MGAT4C: variants seen among roughly 807,000 people sequenced by gnomAD.
MGAT4C encodes the protein alpha-1,3-mannosyl-glycoprotein 4-beta-N-acetylglucosaminyltransferase C.
A neutral mutation model predicts 40.1 loss-of-function variants in MGAT4C; 19 were observed. That is an observed-to-expected ratio of 0.47 (90% CI 0.33 to 0.70). MGAT4C has a LOEUF of 0.70. Ranked by LOEUF, MGAT4C falls within the 30% of genes least tolerant of loss-of-function variation. The pLI is 0.02. For synonymous variants in MGAT4C, 181 were observed against 187.1 expected, an observed-to-expected ratio of 0.97 and a Z score of 0.27; for missense variants, 491 against 563.2, an observed-to-expected ratio of 0.87 and a Z score of 1.30.
At chr12:85,986,702 T>C (rs972843496) in intron 3 of MGAT4C, among the ~76,000 whole-genome samples, 1 of 152,036 alleles carries the variant, frequency 6.6e-6, no homozygotes, top group African/African-American at 2.4e-5. Context: ...TCTACTAATA[T>C]CTGTGCGTAG....
chr12:86,359,656 A>C (rs1172552109), intron 3 of MGAT4C, among the ~76,000 whole-genome samples: 27 of 152,196 alleles, frequency 1.8e-4, no homozygotes, highest in Non-Finnish European at 2.9e-4. Flanking sequence ...GATATCACCA[A>C]CAATCCCACA....
At chr12:86,633,815 C>T (rs181820880) in intron 2 of MGAT4C, among the ~76,000 whole-genome samples, 2 of 152,032 alleles carry the variant, frequency 1.3e-5, no homozygotes, top group Admixed American at 6.6e-5. Flanking sequence ...TCTAGGAGTT[C>T]ATCTGAGAAA....
chr12:86,535,985 T>C (rs1468188677), intron 2 of MGAT4C, among the ~76,000 whole-genome samples: 1 of 152,076 alleles, frequency 6.6e-6, no homozygotes, highest in Non-Finnish European at 1.5e-5. Context: ...ATTATCTACT[T>C]AATTAAATGT....
chr12:86,510,130 G>T (rs989765617), intron 2 of MGAT4C, among the ~76,000 whole-genome samples: 2 of 152,136 alleles, frequency 1.3e-5, no homozygotes, highest in African/African-American at 2.4e-5. Context: ...GGACATCCCT[G>T]TCTTGTGCCA....
At chr12:86,581,712 A>T (rs1206996659) in intron 2 of MGAT4C, among the ~76,000 whole-genome samples, 1 of 62,384 alleles carries the variant, frequency 1.6e-5, no homozygotes, top group Non-Finnish European at 3.8e-5. Flanking sequence ...TCTGTTATGG[A>T]TCAATATTTC....
At chr12:86,110,137 A>G (rs550767421) in intron 1 of MGAT4C, among the ~76,000 whole-genome samples, 1 of 149,828 alleles carries the variant, frequency 6.7e-6, no homozygotes, top group South Asian at 2.1e-4. Flanking sequence ...GTAAAGCTAG[A>G]TCAAGCAAGA....
intron 4 of MGAT4C, among the ~76,000 whole-genome samples, chr12:85,981,456 A>T (rs1355550577): frequency 6.6e-6 from 1 of 152,152 alleles, no homozygotes; most frequent in South Asian, 2.1e-4. Context: ...CATTCCAAAA[A>T]CAGTTTGTCA....
intron 1 of MGAT4C, among the ~76,000 whole-genome samples, chr12:86,750,500 A>G (rs1484284625): frequency 6.6e-6 from 1 of 151,926 alleles, no homozygotes; most frequent in Non-Finnish European, 1.5e-5. Flanking sequence ...AAACAAACAA[A>G]CAAAAACACA....
intron 2 of MGAT4C, among the ~76,000 whole-genome samples, chr12:86,561,201 T>C (rs771462203): frequency 5.9e-5 from 9 of 152,148 alleles, no homozygotes; most frequent in South Asian, 2.1e-4. Flanking sequence ...AAAATACTCA[T>C]GACATTTTTA....
At chr12:86,573,469 C>T (rs1448828317) in intron 2 of MGAT4C, among the ~76,000 whole-genome samples, 1 of 151,948 alleles carries the variant, frequency 6.6e-6, no homozygotes, top group African/African-American at 2.4e-5. Flanking sequence ...TATAAACTCC[C>T]ACACATTCAA....
chr12:86,446,257 C>T lies in MGAT4C; in HGVS notation c.-228-10992G>A, dbSNP rs57918653. Among the ~76,000 whole-genome samples the T allele has an allele frequency of 1.3e-3, 195 of 151,978 alleles. 4 individuals carry two copies. Among genetic ancestry groups the T allele is most frequent in the African/African-American group, 4.3e-3 (180 of 41,466 alleles). Reference sequence around the variant, plus strand: ...TTTTCCTGATAATGAAAACAAAACACGTGCATAAGGTTAAAAAGTTCCAGT... The same window carrying T: ...TTTTCCTGATAATGAAAACAAAACATGTGCATAAGGTTAAAAAGTTCCAGT... On this transcript the variant is annotated intron_variant, in intron 2 of 7. Coordinates refer to the MGAT4C transcript ENST00000548651.
chr12:86,013,081 A>C (rs1028379916), intron 2 of MGAT4C, among the ~76,000 whole-genome samples: 13 of 152,144 alleles, frequency 8.5e-5, no homozygotes, highest in African/African-American at 3.1e-4. Flanking sequence ...GCTTCAAAGA[A>C]CTATTATCAC....
At chr12:86,819,588 A>C (rs1952671027) in intron 1 of MGAT4C, among the ~76,000 whole-genome samples, 1 of 150,908 alleles carries the variant, frequency 6.6e-6, no homozygotes, top group Non-Finnish European at 1.5e-5. Context: ...AAAAAGCATA[A>C]AAGTTATTTC....
intron 1 of MGAT4C, among the ~76,000 whole-genome samples, chr12:86,779,768 C>G (rs905264946): frequency 6.6e-6 from 1 of 151,838 alleles, no homozygotes; most frequent in African/African-American, 2.4e-5. Flanking sequence ...AAAAAATTAG[C>G]CGGGCGTGGT....
intron 2 of MGAT4C, among the ~76,000 whole-genome samples, chr12:86,482,711 T>C (rs1957957318): frequency 6.6e-6 from 1 of 152,170 alleles, no homozygotes; most frequent in Admixed American, 6.5e-5. Flanking sequence ...TAAAGTCTAT[T>C]TTCCTGGGTG....
intron 1 of MGAT4C, among the ~76,000 whole-genome samples, chr12:86,200,527 T>C (rs1406097033): frequency 6.6e-6 from 1 of 152,162 alleles, no homozygotes; most frequent in Admixed American, 6.6e-5. Context: ...TCATCAGTTG[T>C]TTCAATTTTA....
intron 1 of MGAT4C, among the ~76,000 whole-genome samples, chr12:86,146,200 A>T (rs1883490573): frequency 6.6e-6 from 1 of 152,172 alleles, no homozygotes; most frequent in African/African-American, 2.4e-5. Flanking sequence ...CCTACCAGGG[A>T]GTAGTGGTAA....
At chr12:86,407,109 G>A (rs1257459613) in intron 3 of MGAT4C, among the ~76,000 whole-genome samples, 1 of 152,040 alleles carries the variant, frequency 6.6e-6, no homozygotes, top group African/African-American at 2.4e-5. Flanking sequence ...CACATTTATT[G>A]GCATGATATA....
At chr12:86,149,103 TG>T (rs1415105621) in intron 1 of MGAT4C, among the ~76,000 whole-genome samples, 1 of 152,216 alleles carries the variant, frequency 6.6e-6, no homozygotes, top group Non-Finnish European at 1.5e-5. Context: ...GAATTATTGA[TG>T]CTAAATACAA....
Sources: allele counts gnomAD v4.1 joint callset (sites outside exome capture counted in the v4.1 genomes callset), GRCh38; gene constraint gnomAD v4.1.1; transcripts MANE v1.5; gene names NCBI Gene and HGNC (gene_info 2026-07-23, HGNC 2026-07-21).